AP4S1: variants seen among roughly 807,000 people sequenced by gnomAD.
AP4S1 encodes the protein AP-4 complex subunit sigma-1.
In AP4S1, 23 loss-of-function variants were observed where a neutral mutation model predicts 19.8. The ratio of observed to expected loss-of-function variants is 1.16; its 90% CI spans 0.84 to 1.65. The LOEUF (loss-of-function observed/expected upper bound fraction) is 1.65, where lower values mean the gene tolerates loss of function less well. AP4S1 is among the 40% of genes most tolerant of loss of function. AP4S1 has a pLI of 0.00. For synonymous variants in AP4S1, 46 were observed against 54.1 expected (o/e 0.85, Z 0.66); for missense variants, 166 against 172.8 (o/e 0.96, Z 0.22).
chr14:31,035,281 G>A (rs867529752), intron 1 of AP4S1, among the ~76,000 whole-genome samples: 57 of 132,758 alleles, frequency 4.3e-4, no homozygotes, highest in Non-Finnish European at 5.2e-4. Flanking sequence ...CGCAACCTCC[G>A]CCTCCCGGGT....
intron 5 of AP4S1, among the ~76,000 whole-genome samples, chr14:31,087,419 C>T (rs571256481): frequency 3.9e-5 from 6 of 152,204 alleles, no homozygotes; most frequent in African/African-American, 1.4e-4. Flanking sequence ...TGCAGTGGTG[C>T]AATCTCAACT....
intron 1 of AP4S1, among the ~76,000 whole-genome samples, chr14:31,047,518 G>A (rs1885484220): frequency 6.6e-6 from 1 of 151,568 alleles, no homozygotes; most frequent in South Asian, 2.1e-4. Flanking sequence ...CTCCAGAGTA[G>A]CTGGGACTAC....
chr14:31,043,568 G>A (rs958341042), intron 1 of AP4S1, among the ~76,000 whole-genome samples: 3 of 152,168 alleles, frequency 2.0e-5, no homozygotes, highest in Non-Finnish European at 2.9e-5. Context: ...AGGTTCTGGA[G>A]TGTTTCACAT....
chr14:31,077,432 T>A (rs1887420875), intron 4 of AP4S1, among the ~76,000 whole-genome samples: 1 of 152,200 alleles, frequency 6.6e-6, no homozygotes, highest in African/African-American at 2.4e-5. Context: ...ATGCCAGAAG[T>A]GAGGTTTGGC....
intron 1 of AP4S1, among the ~76,000 whole-genome samples, chr14:31,049,230 G>C (rs924415416): frequency 6.6e-6 from 1 of 151,160 alleles, no homozygotes; most frequent in Non-Finnish European, 1.5e-5. Context: ...TGGCTAACAC[G>C]GTGAAACCCT....
At chr14:31,067,321 A>C (rs1886775233) in intron 2 of AP4S1, among the ~76,000 whole-genome samples, 3 of 151,274 alleles carry the variant, frequency 2.0e-5, no homozygotes, top group Non-Finnish European at 4.4e-5. Context: ...TGTGGACAAC[A>C]TGCAGGTTTG....
chr14:31,057,782 C>A (rs181838528), intron 1 of AP4S1, among the ~76,000 whole-genome samples: 1 of 151,978 alleles, frequency 6.6e-6, no homozygotes, highest in South Asian at 2.1e-4. Flanking sequence ...CCCGACAACA[C>A]GCCTGGCTAA....
chr14:31,045,569 C>T (rs185967246), intron 1 of AP4S1, among the ~76,000 whole-genome samples: 5 of 152,264 alleles, frequency 3.3e-5, no homozygotes, highest in Admixed American at 1.3e-4. Context: ...GAGGCCTCCC[C>T]AGCCATGCTG....
chr14:31,071,017 A>T (rs1038467270), intron 3 of AP4S1, among the ~76,000 whole-genome samples: 3 of 151,912 alleles, frequency 2.0e-5, no homozygotes, highest in African/African-American at 4.8e-5. Flanking sequence ...GCGCCACTGG[A>T]CTCCAGCCTG....
Position 31,072,966 on chromosome 14 carries a change from G to A in AP4S1, c.287G>A (p.Ser96Asn), listed in dbSNP as rs1056766848. 5.0e-6 allele frequency: 8 copies of A among 1,613,586 alleles called. No individual in the cohort carries two copies. Among genetic ancestry groups the A allele is most frequent in the Non-Finnish European group, 4.2e-6 (5 of 1,179,664 alleles). Residue 96 changes from serine (S) to asparagine (N), a missense_variant, in exon 4 of 6, where the codon AGC (serine) becomes AAC (asparagine). Ser to Asn is a conservative substitution (Grantham distance 46). Transcript: ENST00000542754. ...NFVEVLDEYF[S>N]RVSELDIMFN... ...GTGGAAGTTTTAGATGAGTATTTCA[G>A]CCGAGTGGTAAGTCTAATGGCTAAA...
rs111524631 is a variant in AP4S1, at chr14:31,039,892, A to T, written c.-72+14105A>T. ...GCGTGAGCCACCGCGCCCGGCCAATAGGTGTAGTTTTACAGTATTATTTTC... is the reference window on the plus strand; with the variant it reads ...GCGTGAGCCACCGCGCCCGGCCAATTGGTGTAGTTTTACAGTATTATTTTC... On this transcript the variant is annotated intron_variant, in intron 1 of 5. Coordinates refer to ENST00000542754, the MANE Select transcript of AP4S1 (RefSeq NM_001128126.3). Among the ~76,000 whole-genome samples the T allele has an allele frequency of 5.9e-5, 9 of 152,218 alleles. 1 individual carries two copies. Among genetic ancestry groups the T allele is most frequent in the African/African-American group, 1.9e-4 (8 of 41,554 alleles).
chr14:31,039,567 G>GTTTT (rs139275978), intron 1 of AP4S1, among the ~76,000 whole-genome samples: 2 of 143,492 alleles, frequency 1.4e-5, no homozygotes, highest in Admixed American at 6.9e-5. Flanking sequence ...AATAGGTGTA[G>GTTTT]TTTTGTTTTT....
At chr14:31,027,448 G>C (rs1884082740) in intron 1 of AP4S1, 1 of 152,218 alleles carries the variant, frequency 6.6e-6, no homozygotes, top group African/African-American at 2.4e-5. Flanking sequence ...GATCACTTGA[G>C]GCCAGGAGTT....
intron 5 of AP4S1, chr14:31,084,710 C>T: frequency 1.2e-6 from 2 of 1,610,536 alleles, no homozygotes; most frequent in Admixed American, 1.7e-5. Flanking sequence ...TGCCCCATCA[C>T]ATACCTTGGT....
At chr14:31,049,919 T>C (rs1368859520) in intron 1 of AP4S1, among the ~76,000 whole-genome samples, 1 of 151,610 alleles carries the variant, frequency 6.6e-6, no homozygotes, top group African/African-American at 2.4e-5. Context: ...ACTTTATTTA[T>C]TTATTATTTT....
intron 5 of AP4S1, chr14:31,084,817 C>T: frequency 6.2e-7 from 1 of 1,614,204 alleles, no homozygotes; most frequent in Non-Finnish European, 8.5e-7. Context: ...GGAGCCCCAG[C>T]AGACTTGCTT....
intron 1 of AP4S1, among the ~76,000 whole-genome samples, chr14:31,053,530 A>G (rs983110429): frequency 3.3e-5 from 5 of 151,092 alleles, no homozygotes; most frequent in African/African-American, 1.2e-4. Context: ...GGGTTGGGAA[A>G]TGGGAGGTCC....
chr14:31,089,429 C>A (rs994684458), intron 5 of AP4S1, among the ~76,000 whole-genome samples: 13 of 152,074 alleles, frequency 8.5e-5, no homozygotes, highest in Admixed American at 2.6e-4. Context: ...AAATGAGAAA[C>A]CAAGGGATCT....
At position 31,045,982 on chromosome 14, in the gene AP4S1, T is replaced by A. The variant is rs1421413502; in HGVS notation, c.-71-20144T>A. ...GAGCTAGATTTTTTTTTTTTTTTTT[T>A]TGAGACGGAGTTTCACTCTTGTTGC... On this transcript the variant is annotated intron_variant, in intron 1 of 5. Coordinates refer to ENST00000542754, the MANE Select transcript of AP4S1 (RefSeq NM_001128126.3). Among the ~76,000 whole-genome samples the A allele has an allele frequency of 3.3e-5, 5 of 151,186 alleles. No individual in the cohort carries two copies. In the South Asian group the frequency reaches 6.3e-4, roughly 19 times the overall value.
Sources: allele counts gnomAD v4.1 joint callset (sites outside exome capture counted in the v4.1 genomes callset), GRCh38; gene constraint gnomAD v4.1.1; transcripts MANE v1.5; gene names NCBI Gene and HGNC (gene_info 2026-07-23, HGNC 2026-07-21).